Variants in MAGI2 observed in about 807,000 individuals in gnomAD.
The protein encoded by MAGI2 is membrane-associated guanylate kinase, WW and PDZ domain-containing protein 2.
In MAGI2, 35 loss-of-function variants were observed where a neutral mutation model predicts 133.3. The ratio of observed to expected loss-of-function variants is 0.26; its 90% CI spans 0.20 to 0.35. The LOEUF (loss-of-function observed/expected upper bound fraction) is 0.35. MAGI2 is among the 10% of genes least tolerant of loss of function. The pLI is 1.00. For missense variants in MAGI2, 1,636 were observed against 1,863.4 expected, an observed-to-expected ratio of 0.88 and a Z score of 2.25; for synonymous variants, 729 against 710.6, an observed-to-expected ratio of 1.03 and a Z score of -0.41.
At chr7:78,289,608 A>C (rs1031170639) in intron 9 of MAGI2, among the ~76,000 whole-genome samples, 1 of 152,142 alleles carries the variant, frequency 6.6e-6, no homozygotes, top group Non-Finnish European at 1.5e-5. Context: ...AACACCACAA[A>C]GATACTCCTC....
In MAGI2 at chr7:78,515,655, C is replaced by T. The variant is rs1199113387; in HGVS notation, c.754+5775G>A. On this transcript the variant is annotated intron_variant, in intron 4 of 21. Transcript: ENST00000354212. The stretch of plus-strand genomic sequence containing the variant: ...GTAGCTCAAGCCTGGAATCCCAGCA[C>T]TTTGGGAGGCCGAGGCGGGTGGATC... 1.1e-4 allele frequency among the ~76,000 whole-genome samples: 17 copies of T among 149,324 alleles called. No individual in the cohort carries two copies. In the Admixed American group the frequency reaches 1.1e-3, roughly 10 times the overall value.
At chr7:79,228,366 A>AAAAAAAAAAAAAAAAAAAAAAAAC (rs1227417021) in intron 1 of MAGI2, among the ~76,000 whole-genome samples, 1 of 147,796 alleles carries the variant, frequency 6.8e-6, no homozygotes, top group Non-Finnish European at 1.5e-5. Flanking sequence ...AAAAAAAAAA[A>AAAAAAAAAAAAAAAAAAAAAAAAC]AAAAGATCGT....
At chr7:79,316,495 A>T (rs925661164) in intron 1 of MAGI2, among the ~76,000 whole-genome samples, 5 of 152,220 alleles carry the variant, frequency 3.3e-5, no homozygotes, top group Admixed American at 3.3e-4. Flanking sequence ...GTATATATTC[A>T]TACGCACATA....
At chr7:79,406,291 A>G (rs1845803264) in intron 1 of MAGI2, among the ~76,000 whole-genome samples, 1 of 152,130 alleles carries the variant, frequency 6.6e-6, no homozygotes, top group African/African-American at 2.4e-5. Context: ...AACATTTCAA[A>G]TAATGTAAAA....
chr7:79,374,614 A>G (rs1457830115), intron 1 of MAGI2, among the ~76,000 whole-genome samples: 1 of 152,054 alleles, frequency 6.6e-6, no homozygotes, highest in Non-Finnish European at 1.5e-5. Flanking sequence ...AATCTTTTAT[A>G]CAATATACAT....
chr7:78,200,648 C>A (rs7792703), intron 11 of MAGI2, among the ~76,000 whole-genome samples: 32,151 of 151,920 alleles, frequency 0.21, 3,582 homozygotes, highest in Admixed American at 0.29. Context: ...ATACACATAC[C>A]TATTTTATAT....
At chr7:79,317,021 T>C (rs1461707351) in intron 1 of MAGI2, among the ~76,000 whole-genome samples, 1 of 116,842 alleles carries the variant, frequency 8.6e-6, no homozygotes, top group Non-Finnish European at 1.6e-5. Context: ...TTCTTTTTCT[T>C]TTTTTTTTTT....
intron 6 of MAGI2, among the ~76,000 whole-genome samples, chr7:78,397,041 G>T (rs1188361017): frequency 1.3e-5 from 2 of 151,992 alleles, no homozygotes; most frequent in Admixed American, 6.6e-5. Flanking sequence ...TCTATAAAAT[G>T]GATATAAAAT....
At chr7:78,420,700 G>A (rs190684902) in intron 6 of MAGI2, among the ~76,000 whole-genome samples, 1 of 152,166 alleles carries the variant, frequency 6.6e-6, no homozygotes, top group East Asian at 1.9e-4. Context: ...TTAATTTAAT[G>A]TTTCAGTTCT....
chr7:78,336,199 TA>T (rs962190347), intron 9 of MAGI2, among the ~76,000 whole-genome samples: 4 of 152,108 alleles, frequency 2.6e-5, no homozygotes, highest in Non-Finnish European at 5.9e-5. Flanking sequence ...CTTCAACAAT[TA>T]AAAAAATACA....
At chr7:78,525,803 T>C (rs779674390) in intron 3 of MAGI2, among the ~76,000 whole-genome samples, 1 of 152,222 alleles carries the variant, frequency 6.6e-6, no homozygotes, top group Non-Finnish European at 1.5e-5. Context: ...ACTATAACTA[T>C]TACTACTGTT....
At chr7:79,414,782 G>A (rs988560490) in intron 1 of MAGI2, 2 of 152,106 alleles carry the variant, frequency 1.3e-5, no homozygotes, top group Non-Finnish European at 2.9e-5. Flanking sequence ...ACTGAAGAGT[G>A]TCCTTCCCTT....
intron 6 of MAGI2, among the ~76,000 whole-genome samples, chr7:78,432,455 TG>T (rs1799887234): frequency 6.6e-6 from 1 of 152,104 alleles, no homozygotes. Context: ...GGTTTTGTCA[TG>T]ATTAAGATTC....
At chr7:79,345,963 A>G (rs949848897) in intron 1 of MAGI2, among the ~76,000 whole-genome samples, 2 of 152,106 alleles carry the variant, frequency 1.3e-5, no homozygotes, top group African/African-American at 2.4e-5. Flanking sequence ...TGATCTGGCA[A>G]TAACTTCCAT....
intron 1 of MAGI2, chr7:79,413,451 T>C (rs1846276074): frequency 6.6e-6 from 1 of 152,134 alleles, no homozygotes; most frequent in African/African-American, 2.4e-5. Context: ...TGAGCCCCTT[T>C]TCACCCCACC....
intron 9 of MAGI2, among the ~76,000 whole-genome samples, chr7:78,264,718 T>C (rs1793831647): frequency 6.6e-6 from 1 of 152,206 alleles, no homozygotes; most frequent in Non-Finnish European, 1.5e-5. Flanking sequence ...GTATTTAACT[T>C]TTCTTGGTCT....
intron 1 of MAGI2, among the ~76,000 whole-genome samples, chr7:79,096,532 G>A (rs1170851282): frequency 6.6e-6 from 1 of 152,080 alleles, no homozygotes; most frequent in Non-Finnish European, 1.5e-5. Context: ...TTACTCCTTT[G>A]GGTGCATCAT....
At chr7:78,315,117 G>A (rs1247986282) in intron 9 of MAGI2, among the ~76,000 whole-genome samples, 1 of 152,100 alleles carries the variant, frequency 6.6e-6, no homozygotes, top group Non-Finnish European at 1.5e-5. Context: ...AGGTCTGTAA[G>A]GAAGAAGTCA....
chr7:78,674,355 A>C (rs1385838336), intron 2 of MAGI2, among the ~76,000 whole-genome samples: 2 of 152,126 alleles, frequency 1.3e-5, no homozygotes, highest in African/African-American at 4.8e-5. Context: ...AAGGAATTTC[A>C]AATAATGAAC....
Sources: allele counts gnomAD v4.1 joint callset (sites outside exome capture counted in the v4.1 genomes callset), GRCh38; gene constraint gnomAD v4.1.1; transcripts MANE v1.5; gene names NCBI Gene and HGNC (gene_info 2026-07-23, HGNC 2026-07-21).